The following DLG2 variants were observed in gnomAD, a reference collection of about 807,000 sequenced individuals.
DLG2 encodes discs large MAGUK scaffold protein 2.
A neutral mutation model predicts 132.5 loss-of-function variants in DLG2; 45 were observed. That is an observed-to-expected ratio of 0.34 (90% CI 0.27 to 0.44). The LOEUF is 0.44. Among genes scored for constraint, DLG2 ranks in the 20% least tolerant of loss-of-function variants. The probability of loss-of-function intolerance (pLI) is 1.00; values close to 1 mark genes in which losing one functional copy is unlikely to be tolerated. For missense variants in DLG2, 1,045 were observed against 1,196.9 expected, an observed-to-expected ratio of 0.87 and a Z score of 1.87; for synonymous variants, 424 against 419.6, an observed-to-expected ratio of 1.01 and a Z score of -0.13.
chr11:84,912,931 G>C (rs868391070), intron 6 of DLG2, among the ~76,000 whole-genome samples: 2 of 152,310 alleles, frequency 1.3e-5, no homozygotes, highest in Middle Eastern at 3.4e-3. Flanking sequence ...GCCAATATGG[G>C]GAGGACAAAT....
At chr11:84,334,661 T>C (rs1008384213) in intron 7 of DLG2, among the ~76,000 whole-genome samples, 2 of 152,236 alleles carry the variant, frequency 1.3e-5, no homozygotes, top group Non-Finnish European at 2.9e-5. Flanking sequence ...GTGCTTTGCC[T>C]TCAAAAGGCC....
intron 8 of DLG2, among the ~76,000 whole-genome samples, chr11:84,169,233 AAC>A (rs1165017386): frequency 6.6e-6 from 1 of 152,186 alleles, no homozygotes. Context: ...TAAAATCCCA[AAC>A]AGTTTTCTTC....
intron 18 of DLG2, among the ~76,000 whole-genome samples, chr11:83,666,662 CCCTACG>C (rs2075642044): frequency 6.6e-6 from 1 of 152,126 alleles, no homozygotes; most frequent in African/African-American, 2.4e-5. Context: ...GACTTTTGTT[CCCTACG>C]TGGTTACCTC....
chr11:85,030,141 T>C (rs2060886776), intron 6 of DLG2, among the ~76,000 whole-genome samples: 1 of 152,240 alleles, frequency 6.6e-6, no homozygotes, highest in African/African-American at 2.4e-5. Flanking sequence ...TCCTTTAAAT[T>C]TAATTCAGCT....
intron 19 of DLG2, among the ~76,000 whole-genome samples, chr11:83,550,296 G>T (rs1399565440): frequency 1.3e-5 from 2 of 152,116 alleles, no homozygotes; most frequent in Non-Finnish European, 2.9e-5. Context: ...AACTTCCAGG[G>T]GGAACAACTT....
chr11:83,518,670 C>T (rs12288797), intron 21 of DLG2, among the ~76,000 whole-genome samples: 29,989 of 152,036 alleles, frequency 0.2, 3,175 homozygotes, highest in Non-Finnish European at 0.21. Flanking sequence ...ATCTTCTAAC[C>T]AGCAACTTTA....
intron 5 of DLG2, among the ~76,000 whole-genome samples, chr11:85,144,734 T>G (rs1387958273): frequency 6.6e-6 from 1 of 152,028 alleles, no homozygotes; most frequent in Non-Finnish European, 1.5e-5. Context: ...TTATCCTCCA[T>G]GTTCTTTGAC....
chr11:84,302,941 A>T (rs1021478076), intron 7 of DLG2, among the ~76,000 whole-genome samples: 2 of 151,892 alleles, frequency 1.3e-5, no homozygotes, highest in African/African-American at 4.8e-5. Flanking sequence ...ACAAAAAAAA[A>T]TACACACACA....
chr11:84,667,916 A>G (rs1169244569), intron 6 of DLG2, among the ~76,000 whole-genome samples: 1 of 152,150 alleles, frequency 6.6e-6, no homozygotes, highest in African/African-American at 2.4e-5. Flanking sequence ...TACTTGAGTC[A>G]TTATTCTGGA....
intron 4 of DLG2, among the ~76,000 whole-genome samples, chr11:85,215,993 T>C (rs2082564303): frequency 7.9e-6 from 1 of 126,790 alleles, no homozygotes; most frequent in African/African-American, 3.1e-5. Context: ...ATCATTAGGA[T>C]ATAAAAATAA....
chr11:85,288,949 G>A (rs1291989818), intron 3 of DLG2, among the ~76,000 whole-genome samples: 3 of 151,934 alleles, frequency 2.0e-5, no homozygotes, highest in Non-Finnish European at 4.4e-5. Context: ...GCTGTACTTC[G>A]AAACATAACA....
intron 11 of DLG2, among the ~76,000 whole-genome samples, chr11:84,043,141 T>A (rs1011641720): frequency 6.6e-6 from 1 of 151,490 alleles, no homozygotes; most frequent in Non-Finnish European, 1.5e-5. Context: ...TTAAGCAATT[T>A]ATTAATTAAT....
At position 84,220,370 on chromosome 11, in the gene DLG2, C is replaced by G. The variant is rs567128120; in HGVS notation, c.573+30868G>C. On this transcript the variant is annotated intron_variant, in intron 8 of 27. Coordinates refer to ENST00000376104, the MANE Select transcript of DLG2 (RefSeq NM_001142699.3). The stretch of plus-strand genomic sequence containing the variant: ...TAATACTCACTGCTTCACACAGAAG[C>G]TAGAGATTTACTATTTACCATAGGT... 5.9e-5 allele frequency among the ~76,000 whole-genome samples: 9 copies of G among 152,236 alleles called. No homozygotes were observed. In the South Asian group the frequency reaches 1.7e-3, roughly 28 times the overall value.
intron 11 of DLG2, among the ~76,000 whole-genome samples, chr11:84,002,872 C>T (rs1188500822): frequency 6.6e-6 from 1 of 152,154 alleles, no homozygotes; most frequent in Non-Finnish European, 1.5e-5. Flanking sequence ...ATCTTTTCTA[C>T]TGCATTGTCA....
At position 83,795,249 on chromosome 11, in the gene DLG2, C is replaced by CA. The variant is rs1387807682; in HGVS notation, c.1723-8458dup. Among the ~76,000 whole-genome samples, 356 of 150,534 alleles carry CA rather than the reference C, an allele frequency of 2.4e-3. 3 individuals are homozygous for CA. The highest frequency in any genetic ancestry group is 8.1e-3 in the African/African-American group (333 of 41,052). ...CGAAACCCCGTCTCTACTAAAAATA[C>CA]AAAAAAAAATTAGCCAGGTGTGGTG... On this transcript the variant is annotated intron_variant, in intron 17 of 27. Coordinates refer to ENST00000376104, the MANE Select transcript of DLG2 (RefSeq NM_001142699.3).
intron 3 of DLG2, among the ~76,000 whole-genome samples, chr11:85,544,677 G>A (rs1420160806): frequency 6.6e-6 from 1 of 152,128 alleles, no homozygotes; most frequent in Admixed American, 6.6e-5. Context: ...TTGAGCAGTG[G>A]TTTGTAGTTC....
At chr11:85,280,206 A>C (rs1462843751) in intron 4 of DLG2, among the ~76,000 whole-genome samples, 1 of 152,074 alleles carries the variant, frequency 6.6e-6, no homozygotes, top group Non-Finnish European at 1.5e-5. Flanking sequence ...GAGACGTAAC[A>C]GGACTTTCCA....
intron 6 of DLG2, among the ~76,000 whole-genome samples, chr11:84,928,139 G>C (rs72955531): frequency 0.038 from 5,818 of 151,972 alleles, 155 homozygotes; most frequent in East Asian, 0.1. Flanking sequence ...TTGTAAATGA[G>C]ATAATTTTAG....
intron 7 of DLG2, among the ~76,000 whole-genome samples, chr11:84,273,932 G>A (rs1351606618): frequency 6.6e-6 from 1 of 152,108 alleles, no homozygotes; most frequent in Non-Finnish European, 1.5e-5. Flanking sequence ...AAATGTAAGA[G>A]TAACTAGAAG....
Sources: allele counts gnomAD v4.1 joint callset (sites outside exome capture counted in the v4.1 genomes callset), GRCh38; gene constraint gnomAD v4.1.1; transcripts MANE v1.5; gene names NCBI Gene and HGNC (gene_info 2026-07-23, HGNC 2026-07-21).